The following ABHD12 variants were observed in gnomAD, a reference collection of about 807,000 sequenced individuals.
The protein encoded by ABHD12 is abhydrolase domain containing 12, lysophospholipase.
Under a neutral mutation model 58.3 loss-of-function variants are expected in ABHD12, and 43 were observed. That is an observed-to-expected ratio of 0.74 (90% confidence interval 0.58 to 0.95). The LOEUF (loss-of-function observed/expected upper bound fraction) is 0.95, where lower values mean the gene tolerates loss of function less well. Among genes scored for constraint, ABHD12 ranks in the 40% least tolerant of loss-of-function variants. The pLI is 0.00. For missense variants in ABHD12, 539 were observed against 537.2 expected, an observed-to-expected ratio of 1.00 and a Z score of -0.03; for synonymous variants, 219 against 211.2, an observed-to-expected ratio of 1.04 and a Z score of -0.32.
intron 1 of ABHD12, among the ~76,000 whole-genome samples, chr20:25,347,809 C>T (rs1293689410): frequency 1.3e-5 from 2 of 150,926 alleles, no homozygotes; most frequent in Non-Finnish European, 2.9e-5. Flanking sequence ...AAGGCAAATT[C>T]TGTAAGTCTA....
At chr20:25,328,092 G>A (rs1166327362) in intron 2 of ABHD12, among the ~76,000 whole-genome samples, 1 of 150,304 alleles carries the variant, frequency 6.7e-6, no homozygotes, top group Non-Finnish European at 1.5e-5. Flanking sequence ...ATAACAAAAC[G>A]CCAGTCTCCT....
chr20:25,349,604 T>C (rs898981311), intron 1 of ABHD12, among the ~76,000 whole-genome samples: 1 of 152,252 alleles, frequency 6.6e-6, no homozygotes, highest in Non-Finnish European at 1.5e-5. Context: ...ACAACATGGA[T>C]GAACTTTTAA....
At chr20:25,375,787 C>A (rs1180939013) in intron 1 of ABHD12, among the ~76,000 whole-genome samples, 2 of 152,124 alleles carry the variant, frequency 1.3e-5, no homozygotes, top group Admixed American at 1.3e-4. Flanking sequence ...GTAAATTCAG[C>A]CACCTTGGTC....
At chr20:25,388,899 G>A (rs954803074) in intron 1 of ABHD12, among the ~76,000 whole-genome samples, 3 of 147,082 alleles carry the variant, frequency 2.0e-5, no homozygotes, top group Non-Finnish European at 4.5e-5. Context: ...CCGCCTCCCA[G>A]ATTCAAGCGA....
In ABHD12 at chr20:25,343,348, T is replaced by C. The variant is rs73345087; in HGVS notation, c.192-3997A>G. Among the ~76,000 whole-genome samples the C allele has an allele frequency of 8.0e-3, 1,223 of 152,272 alleles. 21 individuals are homozygous for C. The highest frequency in any genetic ancestry group is 0.028 in the African/African-American group (1,173 of 41,538). Reference sequence around the variant, plus strand: ...ATAGAAACAATCTCTTTTTAACTTATCCTATAAGCTCAGCATTACCCTAAA... The same window carrying C: ...ATAGAAACAATCTCTTTTTAACTTACCCTATAAGCTCAGCATTACCCTAAA... On this transcript the variant is annotated intron_variant, in intron 1 of 12. Coordinates refer to ENST00000339157, the MANE Select transcript of ABHD12 (RefSeq NM_001042472.3).
In ABHD12 at chr20:25,378,726, G is replaced by T. The variant is rs1415605330; in HGVS notation, c.191+11787C>A. ...TTTTTTTTTTTTTTTTTACCATGAA[G>T]CTCAGGACAACTTCAGGCTTCAAGA... On this transcript the variant is annotated intron_variant, in intron 1 of 12. Coordinates refer to ENST00000339157, the MANE Select transcript of ABHD12 (RefSeq NM_001042472.3). Among the ~76,000 whole-genome samples, 5 of 143,980 alleles carry T rather than the reference G, an allele frequency of 3.5e-5. No individual in the cohort carries two copies. In the East Asian group the frequency reaches 1.0e-3, roughly 29 times the overall value. The allele number at this position is 143,980 out of a possible 152,430, so 94.5% of individuals were successfully genotyped here.
intron 1 of ABHD12, among the ~76,000 whole-genome samples, chr20:25,384,402 T>TAC (rs57226615): frequency 0.031 from 4,595 of 149,122 alleles, 116 homozygotes; most frequent in Non-Finnish European, 0.045. Context: ...TTGGCAATAC[T>TAC]ACACACACAC....
At chr20:25,337,447 C>T (rs1478962247) in intron 2 of ABHD12, among the ~76,000 whole-genome samples, 1 of 152,254 alleles carries the variant, frequency 6.6e-6, no homozygotes, top group Non-Finnish European at 1.5e-5. Context: ...CAAAGTTCTC[C>T]TCCCTCAGAG....
chr20:25,364,493 C>CAGG (rs2089793147), intron 1 of ABHD12, among the ~76,000 whole-genome samples: 2 of 152,122 alleles, frequency 1.3e-5, no homozygotes. Flanking sequence ...TACAGGAACT[C>CAGG]AGAGTCAGAA....
intron 3 of ABHD12, among the ~76,000 whole-genome samples, chr20:25,321,463 G>C (rs2089065355): frequency 6.6e-6 from 1 of 152,250 alleles, no homozygotes; most frequent in South Asian, 2.1e-4. Flanking sequence ...GGTGAGCTGG[G>C]CCTGCTGCTG....
intron 2 of ABHD12, among the ~76,000 whole-genome samples, chr20:25,323,964 G>A (rs2089129280): frequency 6.6e-6 from 1 of 152,208 alleles, no homozygotes; most frequent in South Asian, 2.1e-4. Flanking sequence ...AAAGTTTCCA[G>A]GACTGCTGCC....
intron 3 of ABHD12, among the ~76,000 whole-genome samples, chr20:25,322,381 A>ATATATTTTT: frequency 5.1e-5 from 3 of 59,270 alleles, no homozygotes; most frequent in South Asian, 5.8e-4. Flanking sequence ...ATATATATAT[A>ATATATTTTT]TTTTTTTTTT....
intron 2 of ABHD12, 146 bp from the exon 3 acceptor site, chr20:25,323,576 A>C (rs921692904): frequency 2.9e-6 from 2 of 687,486 alleles, no homozygotes; most frequent in Non-Finnish European, 5.3e-6. Context: ...CACACTGCAG[A>C]AGCTCTCAGA....
intron 1 of ABHD12, among the ~76,000 whole-genome samples, chr20:25,378,896 G>A (rs926907323): frequency 6.6e-6 from 1 of 151,850 alleles, no homozygotes; most frequent in African/African-American, 2.4e-5. Flanking sequence ...CTCTCATTAT[G>A]TCAGGACATT....
chr20:25,374,911 CAT>C (rs1381439036), intron 1 of ABHD12, among the ~76,000 whole-genome samples: 12 of 152,226 alleles, frequency 7.9e-5, no homozygotes, highest in Non-Finnish European at 1.3e-4. Context: ...TCCCACTCTG[CAT>C]GCCTGTGCTA....
intron 2 of ABHD12, among the ~76,000 whole-genome samples, chr20:25,333,344 C>T (rs1186295201): frequency 8.3e-5 from 10 of 120,258 alleles, no homozygotes; most frequent in African/African-American, 2.8e-4. Flanking sequence ...GAGTCCAGGA[C>T]CAGATGGATT....
intron 1 of ABHD12, among the ~76,000 whole-genome samples, chr20:25,362,673 T>C (rs1328303615): frequency 6.6e-6 from 1 of 151,566 alleles, no homozygotes. Flanking sequence ...ACTTGTTTTT[T>C]TTTTTGTCGT....
chr20:25,299,898 G>A (rs932869829), downstream of ABHD12, among the ~76,000 whole-genome samples: 1 of 152,174 alleles, frequency 6.6e-6, no homozygotes, highest in Non-Finnish European at 1.5e-5. Flanking sequence ...CCCTGCGTAG[G>A]AAAAGTGTTT....
In ABHD12 at chr20:25,311,559, G is replaced by A. The variant is rs368263158; in HGVS notation, c.620-1984C>T. On this transcript the variant is annotated intron_variant, in intron 6 of 12. Transcript: ENST00000339157. ...AGAATTAACACAACCCCCACATCCA[G>A]GTGACAGCCTCTCTCCTTTGTCCCT... 7.2e-5 allele frequency among the ~76,000 whole-genome samples: 11 copies of A among 152,304 alleles called. No homozygotes were observed. The East Asian group carries it at 2.1e-3, about 29-fold the overall frequency.
Sources: allele counts gnomAD v4.1 joint callset (sites outside exome capture counted in the v4.1 genomes callset), GRCh38; gene constraint gnomAD v4.1.1; transcripts MANE v1.5; gene names NCBI Gene and HGNC (gene_info 2026-07-23, HGNC 2026-07-21).